GNAL: variants seen among roughly 807,000 people sequenced by gnomAD.
The protein encoded by GNAL is guanine nucleotide-binding protein G(olf) subunit alpha.
A neutral mutation model predicts 55.1 loss-of-function variants in GNAL; 18 were observed. The observed-to-expected ratio is 0.33, with a 90% CI of 0.23 to 0.48. GNAL has a LOEUF of 0.48. Among genes scored for constraint, GNAL ranks in the 20% least tolerant of loss-of-function variants. The pLI is 0.99. For missense variants in GNAL, 412 were observed against 614.1 expected (o/e 0.67, Z 3.48); for synonymous variants, 253 against 237.0 (o/e 1.07, Z -0.62).
intron 11 of GNAL, 59 bp from the exon 12 acceptor site, chr18:11,880,930 C>G (rs1252384675): frequency 1.3e-6 from 2 of 1,567,930 alleles, no homozygotes; most frequent in African/African-American, 2.7e-5. Context: ...GTGGCCTAGT[C>G]CTTCCCCAGA....
At chr18:11,833,961 T>C (rs1238631566) in intron 5 of GNAL, among the ~76,000 whole-genome samples, 1 of 152,196 alleles carries the variant, frequency 6.6e-6, no homozygotes. Flanking sequence ...GGCCCCTCTG[T>C]TGCCTCCAAA....
chr18:11,843,790 A>G (rs2035671224), intron 5 of GNAL, among the ~76,000 whole-genome samples: 1 of 151,752 alleles, frequency 6.6e-6, no homozygotes, highest in Non-Finnish European at 1.5e-5. Context: ...CCTGACTAAC[A>G]TGGATAAACC....
At chr18:11,820,467 GTCTT>G (rs2035063857) in intron 4 of GNAL, among the ~76,000 whole-genome samples, 1 of 152,114 alleles carries the variant, frequency 6.6e-6, no homozygotes, top group Admixed American at 6.5e-5. Flanking sequence ...TTTTTTAAAA[GTCTT>G]TATGTTTTAG....
intron 1 of GNAL, among the ~76,000 whole-genome samples, chr18:11,726,356 G>GACTA (rs1247507782): frequency 6.6e-6 from 1 of 152,190 alleles, no homozygotes; most frequent in Non-Finnish European, 1.5e-5. Context: ...TAGGAACCTA[G>GACTA]ATTTCTTGGA....
chr18:11,881,675 G>A lies in GNAL; in HGVS notation c.*540G>A, dbSNP rs1344470498. The A allele has an allele frequency of 6.6e-6, 1 of 152,660 alleles. No individual in the cohort carries two copies. Among genetic ancestry groups the A allele is most frequent in the Non-Finnish European group, 1.5e-5 (1 of 68,102 alleles). The allele number at this position is 152,660 out of a possible 1,614,324, so 9.5% of individuals were successfully genotyped here. ...ACAGTCACATTCAGAGTCGCTGCTG[G>A]CCTCAGGCATTTGAATTAGAGCTAC... On this transcript the variant is annotated 3_prime_UTR_variant, in exon 12 of 12. Transcript: ENST00000334049. The surrounding 1 kb of genome is among the most constrained non-coding windows in gnomAD (Gnocchi z 4.8).
At chr18:11,757,158 G>A (rs1281313125) in intron 4 of GNAL, among the ~76,000 whole-genome samples, 1 of 152,202 alleles carries the variant, frequency 6.6e-6, no homozygotes, top group Non-Finnish European at 1.5e-5. Context: ...TTTGCTCTCT[G>A]TGGTGTCTTT....
intron 1 of GNAL, among the ~76,000 whole-genome samples, chr18:11,729,255 G>T (rs1018206384): frequency 2.0e-5 from 3 of 152,132 alleles, no homozygotes; most frequent in African/African-American, 7.2e-5. Context: ...AGGAAAACAT[G>T]CTTCCTGCCT....
Position 11,842,150 on chromosome 18 carries a change from G to GT in GNAL, c.722+17145dup, listed in dbSNP as rs1165579664. On this transcript the variant is annotated intron_variant, in intron 5 of 11. Coordinates refer to ENST00000334049, the MANE Select transcript of GNAL (RefSeq NM_182978.4). ...ATCATGCCCAGTTAATTTTGTATAT[G>GT]TTTTTTTTTTAGTAGAGACAGGGTT... is the stretch of plus-strand genomic sequence containing the variant. 3.1e-3 allele frequency among the ~76,000 whole-genome samples: 454 copies of GT among 147,610 alleles called. 1 individual carries two copies. Among genetic ancestry groups the GT allele is most frequent in the African/African-American group, 1.0e-2 (402 of 40,372 alleles).
intron 4 of GNAL, among the ~76,000 whole-genome samples, chr18:11,790,232 G>T (rs1282175471): frequency 6.6e-6 from 1 of 152,168 alleles, no homozygotes; most frequent in Non-Finnish European, 1.5e-5. Flanking sequence ...GGTGTTCAGA[G>T]CCCTGCCCCT....
chr18:11,753,107 GTC>G (rs2032914368), intron 2 of GNAL, among the ~76,000 whole-genome samples, 182 bp downstream of exon 2: 1 of 151,976 alleles, frequency 6.6e-6, no homozygotes, highest in African/African-American at 2.4e-5. Flanking sequence ...TTCTGCTAGT[GTC>G]TAATGAAAAA....
intron 5 of GNAL, among the ~76,000 whole-genome samples, chr18:11,844,289 C>T (rs1462919459): frequency 1.3e-5 from 2 of 152,044 alleles, no homozygotes; most frequent in Admixed American, 1.3e-4. Flanking sequence ...CAAAAATTAG[C>T]TGGGCGTGGT....
chr18:11,853,663 C>A (rs2035935069), intron 5 of GNAL: 1 of 166,726 alleles, frequency 6.0e-6, no homozygotes, highest in Non-Finnish European at 1.5e-5. Context: ...TGAGGAGTGA[C>A]CCTCATATTT....
Position 11,884,549 on chromosome 18 carries a change from C to T in GNAL, c.*3414C>T. 6.2e-7 allele frequency: 1 copy of T among 1,614,058 alleles called. No individual in the cohort carries two copies. Among genetic ancestry groups the T allele is most frequent in the South Asian group, 1.1e-5 (1 of 91,082 alleles). On this transcript the variant is annotated 3_prime_UTR_variant, in exon 12 of 12. Coordinates refer to ENST00000334049, the MANE Select transcript of GNAL (RefSeq NM_182978.4). ...AGGACCACAAGGAAGCCCACCACTC[C>T]ACAGTAGATGATCAAAACCACATCC...
At chr18:11,847,863 A>G (rs2035773331) in intron 5 of GNAL, among the ~76,000 whole-genome samples, 1 of 152,232 alleles carries the variant, frequency 6.6e-6, no homozygotes, top group African/African-American at 2.4e-5. Flanking sequence ...AAGAGAAAGC[A>G]TACCAAGCTG....
At chr18:11,757,366 C>T (rs2033092507) in intron 4 of GNAL, among the ~76,000 whole-genome samples, 1 of 152,078 alleles carries the variant, frequency 6.6e-6, no homozygotes, top group Admixed American at 6.5e-5. Flanking sequence ...GCCATGAGAT[C>T]TCATTGTGTT....
chr18:11,811,221 C>A (rs1310439575), intron 4 of GNAL, among the ~76,000 whole-genome samples: 1 of 152,176 alleles, frequency 6.6e-6, no homozygotes, highest in African/African-American at 2.4e-5. Flanking sequence ...GCGCAGCCCT[C>A]CCCACGGCTG....
intron 5 of GNAL, among the ~76,000 whole-genome samples, chr18:11,859,201 C>G (rs2036074145): frequency 6.6e-6 from 1 of 152,166 alleles, no homozygotes; most frequent in Non-Finnish European, 1.5e-5. Context: ...ATCCTTTGCT[C>G]TGGACCCTGT....
At chr18:11,769,449 A>G (rs2033564096) in intron 4 of GNAL, among the ~76,000 whole-genome samples, 1 of 151,194 alleles carries the variant, frequency 6.6e-6, no homozygotes, top group South Asian at 2.1e-4. Context: ...CACTCCTAGC[A>G]TAGCAGCATC....
At chr18:11,760,717 G>A (rs1176054468) in intron 4 of GNAL, among the ~76,000 whole-genome samples, 2 of 152,118 alleles carry the variant, frequency 1.3e-5, no homozygotes, top group South Asian at 2.1e-4. Context: ...GGACACAAGG[G>A]TGGACAGGGT....
Sources: allele counts gnomAD v4.1 joint callset (sites outside exome capture counted in the v4.1 genomes callset), GRCh38; gene constraint gnomAD v4.1.1; non-coding constraint Gnocchi (gnomAD v3.1); transcripts MANE v1.5; gene names NCBI Gene and HGNC (gene_info 2026-07-23, HGNC 2026-07-21).